The following NRXN3 variants were observed in gnomAD, a reference collection of about 807,000 sequenced individuals.
NRXN3 encodes the protein neurexin 3.
NRXN3 carries 32 observed loss-of-function variants against 137.6 expected under a neutral mutation model. That is an observed-to-expected ratio of 0.23 (90% CI 0.18 to 0.31). The LOEUF (loss-of-function observed/expected upper bound fraction) is 0.31, where lower values mean the gene tolerates loss of function less well. Among genes scored for constraint, NRXN3 ranks in the 10% least tolerant of loss-of-function variants. NRXN3 has a pLI of 1.00. For synonymous variants in NRXN3, 798 were observed against 784.5 expected, an observed-to-expected ratio of 1.02 and a Z score of -0.29; for missense variants, 1,574 against 2,062.5, an observed-to-expected ratio of 0.76 and a Z score of 4.59.
chr14:78,432,427 G>A (rs570146248), intron 4 of NRXN3, among the ~76,000 whole-genome samples: 1 of 152,066 alleles, frequency 6.6e-6, no homozygotes, highest in African/African-American at 2.4e-5. Flanking sequence ...CCTCTGAGAA[G>A]TATCAAGCTG....
intron 3 of NRXN3, among the ~76,000 whole-genome samples, chr14:78,294,411 C>A (rs1361676764): frequency 2.6e-5 from 4 of 151,922 alleles, no homozygotes; most frequent in Non-Finnish European, 5.9e-5. Flanking sequence ...CAAAATTTAG[C>A]CAGGCATGGT....
At chr14:78,711,661 G>A (rs1450704799) in intron 7 of NRXN3, among the ~76,000 whole-genome samples, 2 of 151,894 alleles carry the variant, frequency 1.3e-5, no homozygotes, top group Non-Finnish European at 2.9e-5. Flanking sequence ...GGCCAATCTC[G>A]AACTCCTGAC....
At chr14:78,382,686 C>T (rs997020830) in intron 4 of NRXN3, among the ~76,000 whole-genome samples, 6 of 152,194 alleles carry the variant, frequency 3.9e-5, no homozygotes, top group South Asian at 2.1e-4. Context: ...TCTCTTGGCA[C>T]GTGCTCATGG....
chr14:79,829,388 G>A (rs960936972), intron 20 of NRXN3, among the ~76,000 whole-genome samples: 2 of 152,158 alleles, frequency 1.3e-5, no homozygotes, highest in African/African-American at 2.4e-5. Context: ...TATCAACTGA[G>A]GAACAGCAGG....
At chr14:79,705,760 T>C (rs527862069) in intron 19 of NRXN3, among the ~76,000 whole-genome samples, 1 of 152,242 alleles carries the variant, frequency 6.6e-6, no homozygotes, top group Admixed American at 6.5e-5. Flanking sequence ...TTCTTGACCG[T>C]CTGTAAAATA....
chr14:78,532,650 C>T (rs149227147), intron 4 of NRXN3, among the ~76,000 whole-genome samples: 1 of 152,020 alleles, frequency 6.6e-6, no homozygotes, highest in Admixed American at 6.6e-5. Flanking sequence ...AGCTTAGAAT[C>T]ATCTTTCCTG....
intron 4 of NRXN3, among the ~76,000 whole-genome samples, chr14:78,439,855 A>G (rs1416730259): frequency 1.3e-5 from 2 of 152,168 alleles, no homozygotes; most frequent in Non-Finnish European, 2.9e-5. Context: ...TGAGTAAATT[A>G]TGTTGCATTT....
chr14:79,235,684 GC>G (rs532586810), intron 15 of NRXN3, among the ~76,000 whole-genome samples: 426 of 152,234 alleles, frequency 2.8e-3, no homozygotes, highest in Non-Finnish European at 5.0e-3. Context: ...GAAAGGAAAA[GC>G]ATAGATCAGG....
intron 20 of NRXN3, among the ~76,000 whole-genome samples, chr14:79,812,813 G>GA (rs1568335433): frequency 6.6e-6 from 1 of 152,148 alleles, no homozygotes; most frequent in African/African-American, 2.4e-5. Flanking sequence ...GAACTCATGA[G>GA]AACTTCCTGA....
chr14:79,530,242 A>G (rs560764218), intron 16 of NRXN3, among the ~76,000 whole-genome samples: 90 of 152,310 alleles, frequency 5.9e-4, no homozygotes, highest in Admixed American at 1.8e-3. Context: ...AGGCCAGTGT[A>G]GGACAAGCAG....
chr14:78,913,177 A>G (rs747989894), intron 10 of NRXN3, among the ~76,000 whole-genome samples: 5 of 150,658 alleles, frequency 3.3e-5, no homozygotes, highest in African/African-American at 4.9e-5. Flanking sequence ...ACTCAATTCC[A>G]TTTTTACAGC....
At chr14:79,352,985 A>G (rs1334182047) in intron 15 of NRXN3, among the ~76,000 whole-genome samples, 1 of 152,140 alleles carries the variant, frequency 6.6e-6, no homozygotes, top group Non-Finnish European at 1.5e-5. Flanking sequence ...TAAAGTGGGG[A>G]TAGCATGACA....
At chr14:79,772,811 A>C (rs375965318) in intron 19 of NRXN3, among the ~76,000 whole-genome samples, 18,375 of 152,090 alleles carry the variant, frequency 0.12, 1,321 homozygotes, top group Middle Eastern at 0.22. Flanking sequence ...TCTGCACAGC[A>C]GAAGAAACTA....
chr14:79,664,177 C>T (rs1489611647), intron 17 of NRXN3, among the ~76,000 whole-genome samples: 1 of 152,158 alleles, frequency 6.6e-6, no homozygotes, highest in Non-Finnish European at 1.5e-5. Context: ...CAACCTTTGA[C>T]TGATACAGCC....
rs150130625 is a variant in NRXN3, at chr14:79,073,654, C to T, written c.3262+85513C>T. Reference sequence around the variant, plus strand: ...TCTTTTTATTCCCTTCCCTTTGCAACTGTTCCCAGCCCTTCTTTAAAAATC... The same window carrying T: ...TCTTTTTATTCCCTTCCCTTTGCAATTGTTCCCAGCCCTTCTTTAAAAATC... On this transcript the variant is annotated intron_variant, in intron 15 of 20. Coordinates refer to ENST00000335750, the MANE Select transcript of NRXN3 (RefSeq NM_001330195.2). Among the ~76,000 whole-genome samples, 32 of 152,316 alleles carry T rather than the reference C, an allele frequency of 2.1e-4. No homozygotes were observed. In the East Asian group the frequency reaches 6.2e-3, roughly 29 times the overall value.
At chr14:79,057,580 A>G (rs963089522) in intron 15 of NRXN3, among the ~76,000 whole-genome samples, 10 of 152,210 alleles carry the variant, frequency 6.6e-5, no homozygotes, top group African/African-American at 2.4e-4. Context: ...TTTTAGAATG[A>G]GCTATAGCAG....
intron 4 of NRXN3, among the ~76,000 whole-genome samples, chr14:78,495,149 G>T (rs1483399399): frequency 6.7e-6 from 1 of 149,714 alleles, no homozygotes; most frequent in African/African-American, 2.5e-5. Context: ...GTGTGTGTGT[G>T]TGTGTGTGTG....
At chr14:78,398,076 T>A (rs554480792) in intron 4 of NRXN3, among the ~76,000 whole-genome samples, 5 of 151,410 alleles carry the variant, frequency 3.3e-5, no homozygotes, top group Admixed American at 3.3e-4. Flanking sequence ...TAGCTGGGCA[T>A]GGTGGTGCGT....
chr14:78,438,019 G>C (rs2094129286), intron 4 of NRXN3, among the ~76,000 whole-genome samples: 1 of 152,088 alleles, frequency 6.6e-6, no homozygotes, highest in Non-Finnish European at 1.5e-5. Context: ...GGGTAGATGT[G>C]GGGTGTGGTG....
Sources: gnomAD v4.1 joint callset for allele counts (sites outside exome capture counted in the v4.1 genomes callset) on GRCh38, gnomAD v4.1.1 for gene constraint, MANE v1.5 for transcripts, NCBI Gene and HGNC (gene_info 2026-07-23, HGNC 2026-07-21) for gene names.